Variants in BTRC observed in about 807,000 individuals in gnomAD.
The protein encoded by BTRC is F-box/WD repeat-containing protein 1A.
BTRC carries 42 observed loss-of-function variants against 85.5 expected under a neutral mutation model. The ratio of observed to expected loss-of-function variants is 0.49; its 90% CI spans 0.38 to 0.64. The LOEUF (loss-of-function observed/expected upper bound fraction) is 0.64. BTRC is among the 30% of genes least tolerant of loss of function. BTRC has a pLI of 0.00. For synonymous variants in BTRC, 255 were observed against 263.3 expected, an observed-to-expected ratio of 0.97 and a Z score of 0.30; for missense variants, 594 against 743.5, an observed-to-expected ratio of 0.80 and a Z score of 2.34.
At chr10:101,413,651 C>T (rs566802928) in intron 1 of BTRC, among the ~76,000 whole-genome samples, 1 of 152,072 alleles carries the variant, frequency 6.6e-6, no homozygotes, top group South Asian at 2.1e-4. Context: ...TGAAGATGTC[C>T]CAGAGGAAAT....
At chr10:101,390,676 CATT>C (rs1181299063) in intron 1 of BTRC, among the ~76,000 whole-genome samples, 1 of 151,640 alleles carries the variant, frequency 6.6e-6, no homozygotes, top group East Asian at 1.9e-4. Context: ...TTTTAAAAGA[CATT>C]AGAGCAAATT....
In BTRC at chr10:101,552,489, C is replaced by G. The variant is rs981054241; in HGVS notation, c.*32-666C>G. On this transcript the variant is annotated intron_variant, in intron 14 of 14. Coordinates refer to ENST00000370187, the MANE Select transcript of BTRC (RefSeq NM_033637.4). ...GATTACAGGTGTGAGCCACCGCACC[C>G]GGCCTGTCTCTGGCTTTTCTTCCTT... Among the ~76,000 whole-genome samples, 3 of 152,104 alleles carry G rather than the reference C, an allele frequency of 2.0e-5. No homozygotes were observed. In the East Asian group the frequency reaches 5.8e-4, roughly 29 times the overall value.
chr10:101,468,172 A>G (rs1945430863), intron 3 of BTRC, among the ~76,000 whole-genome samples: 1 of 152,130 alleles, frequency 6.6e-6, no homozygotes, highest in African/African-American at 2.4e-5. Flanking sequence ...TTTTATTTGT[A>G]TTTTAATGTA....
chr10:101,359,551 C>T (rs1315781014), intron 1 of BTRC, among the ~76,000 whole-genome samples: 1 of 151,948 alleles, frequency 6.6e-6, no homozygotes, highest in Non-Finnish European at 1.5e-5. Context: ...CCTCAGCCTC[C>T]TAAGTAGCTG....
chr10:101,411,152 C>T (rs975566946), intron 1 of BTRC, among the ~76,000 whole-genome samples: 2 of 151,890 alleles, frequency 1.3e-5, no homozygotes, highest in South Asian at 2.1e-4. Context: ...CAGGCCCCTA[C>T]GCCTGGCTAT....
At chr10:101,455,557 AGAGAAGGTAT>A (rs1945054486) in intron 2 of BTRC, among the ~76,000 whole-genome samples, 1 of 152,212 alleles carries the variant, frequency 6.6e-6, no homozygotes, top group East Asian at 1.9e-4. Flanking sequence ...AAGGCTTCTC[AGAGAAGGTAT>A]CATTTTAGCT....
chr10:101,388,412 G>A (rs751227548), intron 1 of BTRC, among the ~76,000 whole-genome samples: 28 of 151,396 alleles, frequency 1.8e-4, no homozygotes, highest in African/African-American at 2.9e-4. Flanking sequence ...AGCTGTTCTC[G>A]AACTCTTGGC....
chr10:101,540,644 T>C (rs1447499820), intron 13 of BTRC, among the ~76,000 whole-genome samples: 1 of 152,212 alleles, frequency 6.6e-6, no homozygotes, highest in African/African-American at 2.4e-5. Context: ...CAAAAAAGTC[T>C]GCTGGGAATG....
At chr10:101,548,179 A>G (rs1023875285) in intron 13 of BTRC, among the ~76,000 whole-genome samples, 10 of 152,236 alleles carry the variant, frequency 6.6e-5, no homozygotes, top group African/African-American at 2.4e-4. Context: ...ATTGTTTCAT[A>G]GTATCTTCTA....
At chr10:101,354,787 A>T (rs950910443) in intron 1 of BTRC, among the ~76,000 whole-genome samples, 2 of 151,950 alleles carry the variant, frequency 1.3e-5, no homozygotes, top group African/African-American at 4.8e-5. Context: ...AGGAGGGAGG[A>T]TAGCCTTTGC....
intron 1 of BTRC, among the ~76,000 whole-genome samples, chr10:101,361,165 G>C (rs372360054): frequency 5.3e-5 from 8 of 151,782 alleles, no homozygotes; most frequent in Admixed American, 5.2e-4. Flanking sequence ...GGAGTGCAGT[G>C]GTGCGATCTC....
At chr10:101,418,075 C>T (rs950771852) in intron 1 of BTRC, among the ~76,000 whole-genome samples, 5 of 152,108 alleles carry the variant, frequency 3.3e-5, no homozygotes, top group African/African-American at 1.2e-4. Context: ...TATAATAACA[C>T]ATACATTTAG....
chr10:101,357,440 C>CAAAAA (rs11294551), intron 1 of BTRC, among the ~76,000 whole-genome samples: 7 of 85,784 alleles, frequency 8.2e-5, no homozygotes, highest in East Asian at 3.2e-4. Flanking sequence ...GACTCTGTCT[C>CAAAAA]AAAAAAAAAA....
At chr10:101,363,442 CGTTTTTGTTTTT>C (rs1289878428) in intron 1 of BTRC, among the ~76,000 whole-genome samples, 1 of 151,514 alleles carries the variant, frequency 6.6e-6, no homozygotes, top group Non-Finnish European at 1.5e-5. Context: ...AGGGGAAGTT[CGTTTTTGTTTTT>C]GTTTTTGTTT....
intron 1 of BTRC, among the ~76,000 whole-genome samples, chr10:101,410,075 TG>T (rs1348843913): frequency 6.6e-6 from 1 of 152,168 alleles, no homozygotes; most frequent in African/African-American, 2.4e-5. Context: ...TGTCAGCACT[TG>T]TTATTTTCTG....
chr10:101,478,475 T>A (rs930398683), intron 3 of BTRC, among the ~76,000 whole-genome samples: 2 of 151,858 alleles, frequency 1.3e-5, no homozygotes, highest in African/African-American at 4.8e-5. Flanking sequence ...GGTTTAAAAT[T>A]TTTTCATTTA....
intron 1 of BTRC, among the ~76,000 whole-genome samples, chr10:101,388,414 A>G (rs1943141673): frequency 6.6e-6 from 1 of 151,388 alleles, no homozygotes; most frequent in Non-Finnish European, 1.5e-5. Flanking sequence ...CTGTTCTCGA[A>G]CTCTTGGCCT....
At chr10:101,457,526 T>C (rs558390368) in intron 2 of BTRC, among the ~76,000 whole-genome samples, 3 of 152,342 alleles carry the variant, frequency 2.0e-5, no homozygotes, top group African/African-American at 7.2e-5. Flanking sequence ...CAGTTGACTG[T>C]AGTAACTGAA....
chr10:101,470,734 A>G (rs1033867224), intron 3 of BTRC, among the ~76,000 whole-genome samples: 2 of 152,184 alleles, frequency 1.3e-5, no homozygotes, highest in African/African-American at 4.8e-5. Context: ...TGGGAGCTTT[A>G]TAAGTTTACT....
Sources: allele counts gnomAD v4.1 joint callset (sites outside exome capture counted in the v4.1 genomes callset), GRCh38; gene constraint gnomAD v4.1.1; transcripts MANE v1.5; gene names NCBI Gene and HGNC (gene_info 2026-07-23, HGNC 2026-07-21).